Variants in STXBP6 observed in about 807,000 individuals in gnomAD.
The protein encoded by STXBP6 is syntaxin binding protein 6.
In STXBP6, 21 loss-of-function variants were observed where a neutral mutation model predicts 26.9. That is an observed-to-expected ratio of 0.78 (90% confidence interval 0.55 to 1.12). The LOEUF (loss-of-function observed/expected upper bound fraction) is 1.12. Among genes scored for constraint, STXBP6 ranks in the 50% most tolerant of loss-of-function variants. STXBP6 has a pLI of 0.00. For missense variants in STXBP6, 232 were observed against 257.9 expected, an observed-to-expected ratio of 0.90 and a Z score of 0.69; for synonymous variants, 97 against 92.6, an observed-to-expected ratio of 1.05 and a Z score of -0.27.
intron 2 of STXBP6, among the ~76,000 whole-genome samples, chr14:24,954,533 A>T (rs1004792676): frequency 2.6e-5 from 4 of 152,128 alleles, no homozygotes; most frequent in Non-Finnish European, 5.9e-5. Flanking sequence ...CTTTTTGCTA[A>T]GAGAGTCACC....
intron 1 of STXBP6, among the ~76,000 whole-genome samples, chr14:25,013,463 CTT>C (rs2075076329): frequency 7.2e-6 from 1 of 138,840 alleles, no homozygotes; most frequent in Admixed American, 7.2e-5. Flanking sequence ...CAACATCTCT[CTT>C]TCACACACAC....
At chr14:24,978,254 T>C (rs1442153920) in intron 1 of STXBP6, among the ~76,000 whole-genome samples, 1 of 152,240 alleles carries the variant, frequency 6.6e-6, no homozygotes, top group Non-Finnish European at 1.5e-5. Flanking sequence ...TCCTGGGATC[T>C]GTATTTTAAA....
intron 2 of STXBP6, among the ~76,000 whole-genome samples, chr14:24,951,490 T>C (rs1159416471): frequency 6.6e-6 from 1 of 152,218 alleles, no homozygotes; most frequent in South Asian, 2.1e-4. Flanking sequence ...ATGAGCTTTT[T>C]TTCATGTTTG....
intron 1 of STXBP6, among the ~76,000 whole-genome samples, chr14:24,983,149 GA>G (rs1394511631): frequency 2.0e-4 from 30 of 152,172 alleles, no homozygotes; most frequent in African/African-American, 6.0e-4. Context: ...TATGGATACT[GA>G]CGAGATTATC....
intron 1 of STXBP6, among the ~76,000 whole-genome samples, chr14:25,011,042 G>A (rs771356403): frequency 6.6e-5 from 10 of 152,236 alleles, no homozygotes; most frequent in South Asian, 2.1e-4. Flanking sequence ...TATTGAGACC[G>A]TTTCACAATG....
At chr14:24,935,614 A>G (rs1373648429) in intron 2 of STXBP6, among the ~76,000 whole-genome samples, 1 of 152,242 alleles carries the variant, frequency 6.6e-6, no homozygotes, top group Non-Finnish European at 1.5e-5. Flanking sequence ...TGGGCTTTGC[A>G]TACAATATAA....
Position 24,856,007 on chromosome 14 carries a change from T to A in STXBP6, c.380A>T (p.His127Leu), listed in dbSNP as rs778571705. ...CGTGAGGTACCTCTGGCAGGTATGG[T>A]GGAGGATCTGGAAGAAGGTGCATTT... ...SEKCTFFQIL[H>L]HTCQRYLTDR... Residue 127 changes from histidine to leucine, a missense_variant, in exon 4 of 6, where the codon CAC (histidine) becomes CTC (leucine). Physicochemically the swap from His to Leu is moderately conservative, Grantham distance 99. Transcript: ENST00000323944. 31 of 1,611,642 alleles carry A rather than the reference T, an allele frequency of 1.9e-5. No homozygotes were observed. Among genetic ancestry groups the A allele is most frequent in the Non-Finnish European group, 2.5e-5 (29 of 1,178,764 alleles).
At chr14:24,821,910 C>T (rs892422613) in intron 4 of STXBP6, among the ~76,000 whole-genome samples, 2 of 152,014 alleles carry the variant, frequency 1.3e-5, no homozygotes, top group African/African-American at 4.8e-5. Context: ...GACTTATTTT[C>T]TTCTATCTGG....
At chr14:24,870,210 T>C (rs2069877409) in intron 2 of STXBP6, among the ~76,000 whole-genome samples, 1 of 152,192 alleles carries the variant, frequency 6.6e-6, no homozygotes, top group Non-Finnish European at 1.5e-5. Flanking sequence ...TCATCAACTC[T>C]GCATTGGAAG....
At position 25,049,441 on chromosome 14, in the gene STXBP6, G is replaced by C; in HGVS notation, c.-33+437C>G. 1 of 985,404 alleles carries C rather than the reference G, an allele frequency of 1.0e-6. No homozygotes were observed. The highest frequency in any genetic ancestry group is 1.2e-6 in the Non-Finnish European group (1 of 829,916). The allele number at this position is 985,404 out of a possible 1,614,324, so 61.0% of individuals were successfully genotyped here. ...TTCGCGAAGATCGGAGTGATTCGCG[G>C]ATTTCTGCGCTCAAGCTAGAGGCGC... is the stretch of plus-strand genomic sequence containing the variant. On this transcript the variant is annotated intron_variant, in intron 1 of 5. Transcript: ENST00000323944. This position sits in a 1 kb window ranked among gnomAD's most constrained non-coding sequence, Gnocchi z 5.6.
intron 2 of STXBP6, among the ~76,000 whole-genome samples, chr14:24,956,721 C>G (rs2140095318): frequency 7.5e-6 from 1 of 134,112 alleles, no homozygotes; most frequent in South Asian, 2.3e-4. Context: ...AGTAATGAGA[C>G]AGGGGTTTCA....
intron 1 of STXBP6, among the ~76,000 whole-genome samples, chr14:25,046,769 C>A (rs769937968): frequency 2.0e-5 from 3 of 152,074 alleles, no homozygotes; most frequent in Non-Finnish European, 4.4e-5. Flanking sequence ...AGGACTATGG[C>A]GTGGGGGAAA....
intron 4 of STXBP6, among the ~76,000 whole-genome samples, chr14:24,844,660 G>A (rs1356273984): frequency 6.6e-6 from 1 of 152,058 alleles, no homozygotes; most frequent in African/African-American, 2.4e-5. Context: ...ATAATTCAAC[G>A]GTATAGTGAA....
At chr14:24,906,211 T>C (rs2071380846) in intron 2 of STXBP6, among the ~76,000 whole-genome samples, 1 of 152,312 alleles carries the variant, frequency 6.6e-6, no homozygotes, top group South Asian at 2.1e-4. Context: ...TACTACAAAA[T>C]GAATGATATT....
chr14:25,030,745 T>C (rs540244061), intron 1 of STXBP6, among the ~76,000 whole-genome samples: 27 of 152,260 alleles, frequency 1.8e-4, no homozygotes, highest in African/African-American at 5.3e-4. Context: ...GTAATCCTCA[T>C]GCTTTCTGAA....
chr14:24,819,062 TG>T lies in STXBP6; in HGVS notation c.583del (p.Gln195SerfsTer12). ...EKTEDLKNSA[Q>X]QFAETAHKLA... ...CTTGTGCGCAGTTTCTGCAAACTGC[TG>T]GGCGCTGTTCTTCAGGTCTTCTGTC... On this transcript the variant is annotated frameshift_variant, in exon 5 of 6. Transcript: ENST00000323944. LOFTEE classifies it high-confidence loss of function. 6.2e-7 allele frequency: 1 copy of T among 1,608,264 alleles called. No individual in the cohort carries two copies. Among genetic ancestry groups the T allele is most frequent in the Non-Finnish European group, 8.5e-7 (1 of 1,176,190 alleles).
chr14:24,839,261 G>C (rs1051580332), intron 4 of STXBP6, among the ~76,000 whole-genome samples: 4 of 152,156 alleles, frequency 2.6e-5, no homozygotes, highest in Admixed American at 6.5e-5. Flanking sequence ...CCCACACGGA[G>C]AGAAAGGAAT....
At chr14:24,872,812 A>G (rs1264542623) in intron 2 of STXBP6, among the ~76,000 whole-genome samples, 1 of 152,172 alleles carries the variant, frequency 6.6e-6, no homozygotes, top group Non-Finnish European at 1.5e-5. Flanking sequence ...TCCATCCTTC[A>G]CAGGCCAAGT....
At chr14:24,917,227 A>G (rs2071800100) in intron 2 of STXBP6, among the ~76,000 whole-genome samples, 1 of 152,068 alleles carries the variant, frequency 6.6e-6, no homozygotes, top group African/African-American at 2.4e-5. Context: ...AAAAAATCTC[A>G]TATTATTAAG....
Sources: gnomAD v4.1 joint callset for allele counts (sites outside exome capture counted in the v4.1 genomes callset) on GRCh38, gnomAD v4.1.1 for gene constraint, Gnocchi (gnomAD v3.1) non-coding constraint, MANE v1.5 for transcripts, NCBI Gene and HGNC (gene_info 2026-07-23, HGNC 2026-07-21) for gene names.